The following KLHL2 variants were observed in gnomAD, a reference collection of about 807,000 sequenced individuals.
The protein encoded by KLHL2 is kelch like family member 2, also known as kelch-like protein 2.
Under a neutral mutation model 75.8 loss-of-function variants are expected in KLHL2, and 15 were observed. The observed-to-expected ratio is 0.20, with a 90% CI of 0.13 to 0.30. The LOEUF (loss-of-function observed/expected upper bound fraction) is 0.30. KLHL2 is among the 10% of genes least tolerant of loss of function. KLHL2 has a pLI of 1.00. For missense variants in KLHL2, 381 were observed against 741.0 expected, an observed-to-expected ratio of 0.51 and a Z score of 5.64; for synonymous variants, 214 against 251.9, an observed-to-expected ratio of 0.85 and a Z score of 1.42.
intron 3 of KLHL2, among the ~76,000 whole-genome samples, chr4:165,234,358 G>T (rs1353632056): frequency 3.3e-5 from 5 of 152,110 alleles, no homozygotes; most frequent in Admixed American, 1.3e-4. Context: ...CTATAAATTT[G>T]TTATTTATTT....
intron 5 of KLHL2, among the ~76,000 whole-genome samples, chr4:165,277,261 T>TAAAAAGGAAAGATGGAAG (rs1284615954): frequency 3.9e-5 from 6 of 151,982 alleles, no homozygotes; most frequent in African/African-American, 1.4e-4. Context: ...GTAAAAAATA[T>TAAAAAGGAAAGATGGAAG]AAAAAGGAAA....
intron 2 of KLHL2, among the ~76,000 whole-genome samples, chr4:165,222,905 CT>C (rs1228033092): frequency 6.6e-6 from 1 of 152,176 alleles, no homozygotes; most frequent in East Asian, 1.9e-4. Context: ...TAATGTGAAC[CT>C]TTGGCTAATG....
At chr4:165,273,399 A>G (rs1284284315) in intron 5 of KLHL2, among the ~76,000 whole-genome samples, 7 of 152,220 alleles carry the variant, frequency 4.6e-5, no homozygotes, top group Admixed American at 4.6e-4. Context: ...AACTAGTTGT[A>G]ATAAACTTTC....
intron 3 of KLHL2, among the ~76,000 whole-genome samples, chr4:165,229,851 G>C (rs1215876869): frequency 6.6e-6 from 1 of 152,268 alleles, no homozygotes; most frequent in Non-Finnish European, 1.5e-5. Context: ...ATGAAGATGA[G>C]TGTAGAAGGT....
chr4:165,278,843 A>G (rs1743396007), intron 5 of KLHL2: 1 of 1,535,492 alleles, frequency 6.5e-7, no homozygotes, highest in African/African-American at 1.4e-5. Context: ...CTGGAAGCAC[A>G]TTTGTCCCAC....
intron 4 of KLHL2, among the ~76,000 whole-genome samples, chr4:165,260,390 A>G (rs970543881): frequency 1.3e-5 from 2 of 152,216 alleles, no homozygotes; most frequent in Admixed American, 6.5e-5. Flanking sequence ...CACATGGACC[A>G]CTGTTGAAAT....
rs35042533 is a variant in KLHL2, at chr4:165,317,214, T to TA, written c.1610-599dup. Among the ~76,000 whole-genome samples the TA allele has an allele frequency of 1.4e-3, 196 of 143,280 alleles. 1 individual carries two copies. Among genetic ancestry groups the TA allele is most frequent in the East Asian group, 0.013 (64 of 5,020 alleles). The allele number at this position is 143,280 out of a possible 152,430, so 94.0% of individuals were successfully genotyped here. ...TAAGTAGCTGACTTTGACTTTTTAT[T>TA]AAAAAAAAAAAAATGAGGGTCAAAA... On this transcript the variant is annotated intron_variant, in intron 13 of 14. Coordinates refer to ENST00000226725, the MANE Select transcript of KLHL2 (RefSeq NM_007246.4).
intron 5 of KLHL2, among the ~76,000 whole-genome samples, chr4:165,293,917 A>G (rs753194835): frequency 5.9e-5 from 9 of 152,122 alleles, no homozygotes; most frequent in Non-Finnish European, 8.8e-5. Flanking sequence ...TCCTTACTCC[A>G]TAAGGAACAA....
chr4:165,209,952 A>C (rs1560969771), intron 1 of KLHL2: 1 of 1,406,862 alleles, frequency 7.1e-7, no homozygotes, highest in South Asian at 1.5e-5. Flanking sequence ...TCCCTCCACC[A>C]TGGATCCCGT....
intron 1 of KLHL2, chr4:165,219,625 G>C (rs1737827076): frequency 1.9e-6 from 2 of 1,041,802 alleles, no homozygotes; most frequent in Non-Finnish European, 2.4e-6. Flanking sequence ...TTCCAATGGA[G>C]AAGATCATTT....
intron 5 of KLHL2, chr4:165,277,954 G>A (rs576454159): frequency 3.7e-5 from 37 of 1,004,624 alleles, no homozygotes; most frequent in Admixed American, 1.5e-4. Flanking sequence ...TAAAAAGCTC[G>A]CATCTTGGGA....
chr4:165,217,670 T>A (rs1394133691), intron 1 of KLHL2, among the ~76,000 whole-genome samples: 1 of 152,184 alleles, frequency 6.6e-6, no homozygotes, highest in African/African-American at 2.4e-5. Flanking sequence ...GTGCTGATTC[T>A]GGGGTTTGGG....
intron 5 of KLHL2, among the ~76,000 whole-genome samples, chr4:165,270,614 C>G (rs1406384861): frequency 6.6e-6 from 1 of 152,190 alleles, no homozygotes; most frequent in Non-Finnish European, 1.5e-5. Context: ...TGGAGGTCCA[C>G]TTCAGACCCT....
At chr4:165,266,259 A>G (rs1426829823) in intron 5 of KLHL2, among the ~76,000 whole-genome samples, 5 of 152,094 alleles carry the variant, frequency 3.3e-5, no homozygotes, top group African/African-American at 1.2e-4. Context: ...ATTTTCTCCC[A>G]TTCTGTAAGT....
intron 5 of KLHL2, 73 bp downstream of exon 5, chr4:165,263,432 T>C (rs1741863346): frequency 1.9e-6 from 3 of 1,569,448 alleles, no homozygotes; most frequent in Middle Eastern, 1.7e-4. Context: ...CAGTGGTCTC[T>C]GGAAAGTCAT....
At chr4:165,288,404 A>G (rs1210660756) in intron 5 of KLHL2, among the ~76,000 whole-genome samples, 4 of 152,142 alleles carry the variant, frequency 2.6e-5, no homozygotes, top group African/African-American at 9.6e-5. Flanking sequence ...GATAATCACT[A>G]TTATTAGTTT....
chr4:165,270,848 C>G (rs1342716270), intron 5 of KLHL2, among the ~76,000 whole-genome samples: 1 of 152,244 alleles, frequency 6.6e-6, no homozygotes, highest in Non-Finnish European at 1.5e-5. Context: ...AACCACTGCT[C>G]TCTTCAGAGA....
At chr4:165,265,351 C>A (rs1020400486) in intron 5 of KLHL2, among the ~76,000 whole-genome samples, 1 of 152,082 alleles carries the variant, frequency 6.6e-6, no homozygotes, top group East Asian at 1.9e-4. Context: ...GTGATTATTT[C>A]TTTGGTCTTG....
At chr4:165,276,887 T>C (rs1294788283) in intron 5 of KLHL2, among the ~76,000 whole-genome samples, 1 of 152,196 alleles carries the variant, frequency 6.6e-6, no homozygotes, top group Non-Finnish European at 1.5e-5. Context: ...ATTTGAATTA[T>C]TGCTTGTGTT....
Sources: gnomAD v4.1 joint callset for allele counts (sites outside exome capture counted in the v4.1 genomes callset) on GRCh38, gnomAD v4.1.1 for gene constraint, MANE v1.5 for transcripts, NCBI Gene and HGNC (gene_info 2026-07-23, HGNC 2026-07-21) for gene names.